The following FAM171A1 variants were observed in gnomAD, a reference collection of about 807,000 sequenced individuals.
FAM171A1 encodes the protein family with sequence similarity 171 member A1, also known as protein FAM171A1.
A neutral mutation model predicts 74.9 loss-of-function variants in FAM171A1; 23 were observed. That is an observed-to-expected ratio of 0.31 (90% CI 0.22 to 0.44). The LOEUF is 0.44. Among genes scored for constraint, FAM171A1 ranks in the 20% least tolerant of loss-of-function variants. The probability of loss-of-function intolerance (pLI) is 1.00; values close to 1 mark genes in which losing one functional copy is unlikely to be tolerated. For missense variants in FAM171A1, 1,162 were observed against 1,159.2 expected, an observed-to-expected ratio of 1.00 and a Z score of -0.03; for synonymous variants, 527 against 505.7, an observed-to-expected ratio of 1.04 and a Z score of -0.57.
At chr10:15,250,149 A>C (rs1834489064) in intron 4 of FAM171A1, among the ~76,000 whole-genome samples, 1 of 152,224 alleles carries the variant, frequency 6.6e-6, no homozygotes, top group Admixed American at 6.5e-5. Context: ...CTACACAGCT[A>C]ATGCCACCCT....
At chr10:15,294,662 A>G (rs1835140295) in intron 1 of FAM171A1, among the ~76,000 whole-genome samples, 1 of 152,202 alleles carries the variant, frequency 6.6e-6, no homozygotes, top group South Asian at 2.1e-4. Context: ...ACTAAACATC[A>G]TCTTTCAGTC....
chr10:15,251,182 G>A (rs140754930), intron 4 of FAM171A1, among the ~76,000 whole-genome samples: 200 of 152,276 alleles, frequency 1.3e-3, no homozygotes, highest in African/African-American at 4.3e-3. Flanking sequence ...GAAGTAAGTA[G>A]AGCATTGCAG....
chr10:15,272,257 A>G (rs1293348582), intron 3 of FAM171A1, among the ~76,000 whole-genome samples: 2 of 152,218 alleles, frequency 1.3e-5, no homozygotes, highest in Non-Finnish European at 2.9e-5. Context: ...TCTCTGATAA[A>G]ACAGACTTTA....
chr10:15,248,614 T>C (rs779576427), intron 5 of FAM171A1, 25 bp downstream of exon 5: 20 of 1,566,672 alleles, frequency 1.3e-5, no homozygotes, highest in East Asian at 6.9e-5. Context: ...TGGTAGCCGA[T>C]TGTCGGCACA....
chr10:15,317,473 C>A (rs186261886), intron 1 of FAM171A1, among the ~76,000 whole-genome samples: 2 of 152,104 alleles, frequency 1.3e-5, no homozygotes, highest in East Asian at 3.9e-4. Flanking sequence ...TCAGCTTCTA[C>A]GACCTCCACT....
At chr10:15,251,256 T>A (rs1378064907) in intron 4 of FAM171A1, among the ~76,000 whole-genome samples, 1 of 152,204 alleles carries the variant, frequency 6.6e-6, no homozygotes, top group Non-Finnish European at 1.5e-5. Flanking sequence ...CCCTTTAGTG[T>A]CCTCTAGCTG....
intron 1 of FAM171A1, among the ~76,000 whole-genome samples, chr10:15,298,696 A>G (rs1204038501): frequency 6.6e-6 from 1 of 152,224 alleles, no homozygotes; most frequent in Admixed American, 6.5e-5. Flanking sequence ...GTATATCCAT[A>G]AAGCTAATAT....
chr10:15,234,170 G>A (rs1191419414), intron 5 of FAM171A1, among the ~76,000 whole-genome samples: 4 of 151,864 alleles, frequency 2.6e-5, no homozygotes, highest in Non-Finnish European at 5.9e-5. Context: ...AACATACAAA[G>A]TGTTGATCTT....
At chr10:15,261,064 T>C (rs755317232) in intron 3 of FAM171A1, among the ~76,000 whole-genome samples, 2 of 152,246 alleles carry the variant, frequency 1.3e-5, no homozygotes, top group African/African-American at 4.8e-5. Context: ...TTTGTCTCTT[T>C]CTGTGTCTTC....
intron 1 of FAM171A1, among the ~76,000 whole-genome samples, chr10:15,337,587 T>C (rs36157500): frequency 6.6e-6 from 1 of 151,116 alleles, no homozygotes; most frequent in Admixed American, 6.6e-5. Context: ...CTCACACGTG[T>C]AATCCCAGCG....
At chr10:15,253,546 G>A (rs1564623651) in intron 4 of FAM171A1, among the ~76,000 whole-genome samples, 1 of 152,172 alleles carries the variant, frequency 6.6e-6, no homozygotes, top group African/African-American at 2.4e-5. Context: ...AAATCACCAT[G>A]TTGCCTTTAT....
intron 1 of FAM171A1, among the ~76,000 whole-genome samples, chr10:15,338,741 G>A (rs1835731075): frequency 6.6e-6 from 1 of 151,960 alleles, no homozygotes; most frequent in South Asian, 2.1e-4. Flanking sequence ...TCTCTGCAAT[G>A]GGATATTTTA....
At chr10:15,219,824 CCCT>C (rs1354114284) in intron 6 of FAM171A1, among the ~76,000 whole-genome samples, 17 of 152,336 alleles carry the variant, frequency 1.1e-4, no homozygotes, top group Non-Finnish European at 1.9e-4. Flanking sequence ...TCGTGATCCG[CCCT>C]CCTCGGCTTC....
At chr10:15,295,546 G>A (rs1487969827) in intron 1 of FAM171A1, among the ~76,000 whole-genome samples, 2 of 152,212 alleles carry the variant, frequency 1.3e-5, no homozygotes, top group Non-Finnish European at 2.9e-5. Context: ...TTGTTTCTGT[G>A]AAGTTTTTGG....
chr10:15,331,904 T>C (rs1250526202), intron 1 of FAM171A1, among the ~76,000 whole-genome samples: 2 of 139,246 alleles, frequency 1.4e-5, no homozygotes, highest in African/African-American at 5.1e-5. Context: ...TATGAAACAA[T>C]TAAGATTCAA....
chr10:15,343,830 T>TC (rs113525235), intron 1 of FAM171A1, among the ~76,000 whole-genome samples: 68,677 of 151,830 alleles, frequency 0.45, 15,662 homozygotes, highest in Non-Finnish European at 0.49. Context: ...AATAAAATGC[T>TC]CCCAGGTAAT....
At chr10:15,301,788 C>T (rs1293503225) in intron 1 of FAM171A1, among the ~76,000 whole-genome samples, 3 of 152,126 alleles carry the variant, frequency 2.0e-5, no homozygotes, top group Admixed American at 6.5e-5. Flanking sequence ...CGGGAAGTAT[C>T]GTGTCTCCAC....
intron 5 of FAM171A1, among the ~76,000 whole-genome samples, chr10:15,222,240 C>G (rs746271922): frequency 6.6e-6 from 1 of 152,214 alleles, no homozygotes; most frequent in Non-Finnish European, 1.5e-5. Context: ...CCTAAATAGA[C>G]CAGCTGTGCA....
chr10:15,260,503 T>C (rs1023773282), intron 3 of FAM171A1, among the ~76,000 whole-genome samples: 7 of 152,198 alleles, frequency 4.6e-5, no homozygotes, highest in African/African-American at 7.2e-5. Flanking sequence ...AGAACACATA[T>C]GGATGGTGTC....
Sources: allele counts gnomAD v4.1 joint callset (sites outside exome capture counted in the v4.1 genomes callset), GRCh38; gene constraint gnomAD v4.1.1; transcripts MANE v1.5; gene names NCBI Gene and HGNC (gene_info 2026-07-23, HGNC 2026-07-21).